OGG1: variants seen among roughly 807,000 people sequenced by gnomAD.
OGG1 encodes the protein 8-oxoguanine DNA glycosylase, also known as N-glycosylase/DNA lyase.
Under a neutral mutation model 42.3 loss-of-function variants are expected in OGG1, and 35 were observed. The ratio of observed to expected loss-of-function variants is 0.83; its 90% CI spans 0.63 to 1.10. The LOEUF is 1.10. OGG1 is among the 50% of genes least tolerant of loss of function. The pLI is 0.00. For synonymous variants in OGG1, 189 were observed against 179.0 expected (o/e 1.06, Z -0.44); for missense variants, 484 against 446.7 (o/e 1.08, Z -0.75).
At chr3:9,787,175 T>A (rs2125623861) in intron 3 of OGG1, 2 of 1,614,096 alleles carry the variant, frequency 1.2e-6, no homozygotes, top group East Asian at 4.5e-5. Flanking sequence ...TGACCTGGGG[T>A]TGGCAGGGAG....
chr3:9,786,866 T>C, intron 3 of OGG1: 1 of 700,274 alleles, frequency 1.4e-6, no homozygotes, highest in Non-Finnish European at 2.5e-6. Context: ...TTTTGCTATA[T>C]ATTAGTCCAG....
chr3:9,752,576 A>G (rs1175982409), intron 3 of OGG1, among the ~76,000 whole-genome samples: 1 of 150,356 alleles, frequency 6.7e-6, no homozygotes, highest in Non-Finnish European at 1.5e-5. Flanking sequence ...CATTGTAGTG[A>G]ATGGGATAGT....
chr3:9,789,391 C>A (rs967577616), downstream of OGG1: 7 of 905,628 alleles, frequency 7.7e-6, no homozygotes, highest in Admixed American at 2.6e-5. Flanking sequence ...ATGGAGCAGA[C>A]AGCAGACTGG....
intron 3 of OGG1, among the ~76,000 whole-genome samples, chr3:9,785,986 T>C (rs954762517): frequency 5.3e-5 from 8 of 151,956 alleles, no homozygotes; most frequent in Non-Finnish European, 8.8e-5. Context: ...ACCCAGGCTG[T>C]GGAGTGCAGT....
At chr3:9,753,046 TCAAAA>T (rs2077375054) in intron 3 of OGG1, among the ~76,000 whole-genome samples, 2 of 150,800 alleles carry the variant, frequency 1.3e-5, no homozygotes, top group Admixed American at 6.6e-5. Flanking sequence ...AGACTCCATC[TCAAAA>T]CAAACAAAAA....
intron 3 of OGG1, chr3:9,785,307 A>C: frequency 6.2e-7 from 1 of 1,607,822 alleles, no homozygotes; most frequent in East Asian, 2.2e-5. Flanking sequence ...TGGATAGGAC[A>C]CCACTCACCT....
downstream of OGG1, chr3:9,759,656 T>A (rs2077752956): frequency 3.1e-6 from 5 of 1,614,080 alleles, no homozygotes; most frequent in Non-Finnish European, 3.4e-6. Flanking sequence ...AGCTCACAGG[T>A]TGTGTGAATT....
chr3:9,771,874 T>C (rs2078306219), intron 2 of OGG1, among the ~76,000 whole-genome samples: 1 of 140,082 alleles, frequency 7.1e-6, no homozygotes, highest in Non-Finnish European at 1.5e-5. Context: ...TGGAGTGCAA[T>C]GGTGCCATCT....
intron 1 of OGG1, 174 bp downstream of exon 1, chr3:9,750,597 A>G (rs2077255472): frequency 1.2e-6 from 1 of 866,866 alleles, no homozygotes; most frequent in African/African-American, 1.7e-5. Flanking sequence ...TACAGTGATA[A>G]TTGTAAGGAT....
intron 2 of OGG1, chr3:9,781,500 A>C (rs1401371098): frequency 2.2e-6 from 1 of 456,034 alleles, no homozygotes; most frequent in East Asian, 6.9e-5. Flanking sequence ...GTTTTTAAAC[A>C]CTGTTGTTTC....
At chr3:9,757,526 G>A (rs200776296), downstream of OGG1, 420 of 1,609,848 alleles carry the variant, frequency 2.6e-4, no homozygotes, top group Non-Finnish European at 3.4e-4. This position sits in a 1 kb window ranked among gnomAD's most constrained non-coding sequence, Gnocchi z 4.5. Flanking sequence ...ATCATGACCC[G>A]AGGTCCAGGG....
chr3:9,788,687 A>G (rs1022521816), downstream of OGG1, among the ~76,000 whole-genome samples: 2 of 151,554 alleles, frequency 1.3e-5, no homozygotes, highest in African/African-American at 2.4e-5. Context: ...TTACAGGTGC[A>G]TGCCACCGTG....
downstream of OGG1, among the ~76,000 whole-genome samples, chr3:9,770,782 C>A (rs976963835): frequency 3.5e-5 from 5 of 144,138 alleles, no homozygotes; most frequent in African/African-American, 1.3e-4. Context: ...AATTTGGTGC[C>A]GAGTGGAAAG....
chr3:9,767,139 C>T (rs2078177294), downstream of OGG1, among the ~76,000 whole-genome samples: 1 of 152,188 alleles, frequency 6.6e-6, no homozygotes. Flanking sequence ...ATCCTTCAGT[C>T]CCCAGCTCTA....
At chr3:9,784,281 C>A in intron 3 of OGG1, 1 of 1,534,500 alleles carries the variant, frequency 6.5e-7, no homozygotes, top group South Asian at 1.2e-5. Flanking sequence ...TGGAGGTTCC[C>A]AGGGCTTCCC....
At position 9,752,897 on chromosome 3, in the gene OGG1, G is replaced by A. The variant is rs557411894; in HGVS notation, c.565+948G>A. Among the ~76,000 whole-genome samples, 11 of 152,060 alleles carry A rather than the reference G, an allele frequency of 7.2e-5. No individual in the cohort carries two copies. In the East Asian group the frequency reaches 1.7e-3, roughly 24 times the overall value. ...GAAACCCCATCTCTACTAAAAATAC[G>A]AAAATTAGTCAGGCGTGATGGCAGG... On this transcript the variant is annotated intron_variant, in intron 3 of 6. Transcript: ENST00000344629.
chr3:9,765,699 G>A, intron 7 of OGG1: 1 of 1,573,946 alleles, frequency 6.4e-7, no homozygotes, highest in Non-Finnish European at 8.7e-7. Flanking sequence ...AGGAAAGGAG[G>A]AGGATGGGAG....
intron 2 of OGG1, among the ~76,000 whole-genome samples, chr3:9,778,183 TA>T (rs1350930245): frequency 6.6e-6 from 1 of 152,222 alleles, no homozygotes; most frequent in African/African-American, 2.4e-5. Context: ...TACTAACATT[TA>T]CTGAGCCCTT....
At chr3:9,784,461 ATTATT>A (rs960824306) in intron 3 of OGG1, among the ~76,000 whole-genome samples, 3 of 152,136 alleles carry the variant, frequency 2.0e-5, no homozygotes, top group Non-Finnish European at 2.9e-5. Flanking sequence ...GAGAATTACT[ATTATT>A]TTGTTATATA....
Sources: allele counts gnomAD v4.1 joint callset (sites outside exome capture counted in the v4.1 genomes callset), GRCh38; gene constraint gnomAD v4.1.1; non-coding constraint Gnocchi (gnomAD v3.1); transcripts MANE v1.5; gene names NCBI Gene and HGNC (gene_info 2026-07-23, HGNC 2026-07-21).